Variants in EFR3B observed in about 807,000 individuals in gnomAD.
EFR3B encodes protein EFR3 homolog B.
A neutral mutation model predicts 104.7 loss-of-function variants in EFR3B; 64 were observed. That is an observed-to-expected ratio of 0.61 (90% confidence interval 0.50 to 0.75). EFR3B has a LOEUF of 0.75. Among genes scored for constraint, EFR3B ranks in the 30% least tolerant of loss-of-function variants. EFR3B has a pLI of 0.00. For synonymous variants in EFR3B, 385 were observed against 417.9 expected (o/e 0.92, Z 0.96); for missense variants, 750 against 1,078.5 (o/e 0.70, Z 4.27).
intron 2 of EFR3B, among the ~76,000 whole-genome samples, chr2:25,092,512 C>T (rs1250583022): frequency 6.6e-6 from 1 of 152,058 alleles, no homozygotes; most frequent in Non-Finnish European, 1.5e-5. Context: ...TACACATGCA[C>T]ACACATATAT....
intron 4 of EFR3B, among the ~76,000 whole-genome samples, chr2:25,112,828 C>G (rs936944476): frequency 1.3e-5 from 2 of 152,094 alleles, no homozygotes; most frequent in Non-Finnish European, 2.9e-5. Flanking sequence ...TTATGTATGC[C>G]CAGTATTTTT....
At chr2:25,049,880 C>T (rs1358905286) in intron 1 of EFR3B, among the ~76,000 whole-genome samples, 2 of 148,494 alleles carry the variant, frequency 1.3e-5, no homozygotes, top group East Asian at 2.0e-4. Flanking sequence ...TTTGGAAGGC[C>T]GAGGTGGGTG....
At chr2:25,104,038 T>C (rs1437030087) in intron 4 of EFR3B, among the ~76,000 whole-genome samples, 1 of 152,060 alleles carries the variant, frequency 6.6e-6, no homozygotes, top group Non-Finnish European at 1.5e-5. Flanking sequence ...TTCACCACTT[T>C]CAAGCATCCC....
At chr2:25,108,826 C>CCGGCCAA (rs1669637809) in intron 4 of EFR3B, among the ~76,000 whole-genome samples, 1 of 151,916 alleles carries the variant, frequency 6.6e-6, no homozygotes, top group Non-Finnish European at 1.5e-5. Flanking sequence ...TTATGAAACC[C>CCGGCCAA]CATCTCTACT....
Position 25,135,702 on chromosome 2 carries a change from A to G in EFR3B, c.1484+63A>G. On this transcript the variant is annotated intron_variant, in intron 13 of 22. Coordinates refer to ENST00000403714, the MANE Select transcript of EFR3B (RefSeq NM_014971.2). The stretch of plus-strand genomic sequence containing the variant: ...GGGAGAGGACTCTCCATTAGGTCCT[A>G]TCCTTTGGTCCTGTCCTCACACCCA... 4.6e-6 allele frequency: 7 copies of G among 1,528,050 alleles called. No homozygotes were observed. In the Middle Eastern group the frequency reaches 5.1e-4, roughly 111 times the overall value. The allele number at this position is 1,528,050 out of a possible 1,614,324, so 94.7% of individuals were successfully genotyped here.
intron 3 of EFR3B, 143 bp from the exon 4 acceptor site, chr2:25,103,494 A>G (rs1669478942): frequency 3.4e-6 from 4 of 1,163,636 alleles, no homozygotes; most frequent in South Asian, 3.3e-5. Flanking sequence ...TGGAAAGGCT[A>G]TCCAGACGTT....
At chr2:25,045,941 A>G (rs1056206821) in intron 1 of EFR3B, among the ~76,000 whole-genome samples, 13 of 152,064 alleles carry the variant, frequency 8.5e-5, no homozygotes, top group African/African-American at 3.1e-4. Context: ...GATTTCCCCA[A>G]CCACAGTCTG....
At chr2:25,060,265 T>C (rs1207549686) in intron 1 of EFR3B, among the ~76,000 whole-genome samples, 1 of 152,172 alleles carries the variant, frequency 6.6e-6, no homozygotes, top group Admixed American at 6.5e-5. Context: ...TTTAAAAAAG[T>C]TTTCATACAC....
rs984440846 is a variant in EFR3B at position 25,153,695 on chromosome 2, C to T, written c.2299-17C>T. On this transcript the variant is annotated splice_polypyrimidine_tract_variant and intron_variant, in intron 21 of 22. Coordinates refer to ENST00000403714, the MANE Select transcript of EFR3B (RefSeq NM_014971.2). ...CCCCCCACCCCTGCCAGCTCACTTC[C>T]GTGTGTTTGTGTCTAGGCATCGCTG... 32 of 1,551,624 alleles carry T rather than the reference C, an allele frequency of 2.1e-5. No individual in the cohort carries two copies. The highest frequency in any genetic ancestry group is 9.6e-5 in the African/African-American group (7 of 73,152).
Position 25,131,353 on chromosome 2 carries a change from A to T in EFR3B, c.850-15A>T. The T allele has an allele frequency of 4.5e-6, 7 of 1,549,176 alleles. No individual in the cohort carries two copies. The highest frequency in any genetic ancestry group is 6.1e-6 in the Non-Finnish European group (7 of 1,145,888). On this transcript the variant is annotated splice_polypyrimidine_tract_variant and intron_variant, in intron 8 of 22. Transcript: ENST00000403714. This position sits in a 1 kb window ranked among gnomAD's most constrained non-coding sequence, Gnocchi z 7.6. ...TGGGGTTGCTGTCCAGGCCCAGCTCATCTTCCTCCCGCAGCCGCAGCACTC... is the reference window on the plus strand; with the variant it reads ...TGGGGTTGCTGTCCAGGCCCAGCTCTTCTTCCTCCCGCAGCCGCAGCACTC...
chr2:25,109,943 C>G (rs914954987), intron 4 of EFR3B, among the ~76,000 whole-genome samples: 23 of 152,158 alleles, frequency 1.5e-4, no homozygotes, highest in Admixed American at 5.2e-4. Context: ...TGTGCCACAA[C>G]CTCAAACCAA....
intron 12 of EFR3B, among the ~76,000 whole-genome samples, chr2:25,134,209 C>T (rs942704036): frequency 6.9e-6 from 1 of 144,828 alleles, no homozygotes; most frequent in African/African-American, 2.5e-5. Context: ...GATGGAGTTT[C>T]GCTCTTGTTG....
intron 21 of EFR3B, 99 bp from the exon 22 acceptor site, chr2:25,153,613 C>T: frequency 8.2e-7 from 1 of 1,223,740 alleles, no homozygotes; most frequent in Non-Finnish European, 1.2e-6. Flanking sequence ...GCTGTGGCTG[C>T]CCTGTACCTC....
At position 25,133,805 on chromosome 2, in the gene EFR3B, G is replaced by A. The variant is rs143894940; in HGVS notation, c.1311+371G>A. Among the ~76,000 whole-genome samples, 574 of 152,216 alleles carry A rather than the reference G, an allele frequency of 3.8e-3. 1 individual carries two copies. Among genetic ancestry groups the A allele is most frequent in the Middle Eastern group, 6.8e-3 (2 of 294 alleles). ...TCTGTGTCCCCTGTTTTGCCAGCACGTGTTCTTGGCACATGTGCCCACCTC... is the reference window on the plus strand; with the variant it reads ...TCTGTGTCCCCTGTTTTGCCAGCACATGTTCTTGGCACATGTGCCCACCTC... On this transcript the variant is annotated intron_variant, in intron 12 of 22. Coordinates refer to ENST00000403714, the MANE Select transcript of EFR3B (RefSeq NM_014971.2).
chr2:25,054,541 C>T (rs551651495), intron 1 of EFR3B, among the ~76,000 whole-genome samples: 21 of 152,162 alleles, frequency 1.4e-4, no homozygotes, highest in Middle Eastern at 3.4e-3. Context: ...TGGCCTTGAA[C>T]GCCTGATCTC....
intron 1 of EFR3B, among the ~76,000 whole-genome samples, chr2:25,062,419 A>C (rs191573168): frequency 2.0e-5 from 3 of 152,346 alleles, no homozygotes; most frequent in Admixed American, 2.0e-4. Flanking sequence ...AAATGTGTGC[A>C]TCTTACTGCA....
At chr2:25,112,974 A>G (rs551229716) in intron 4 of EFR3B, among the ~76,000 whole-genome samples, 1 of 130,306 alleles carries the variant, frequency 7.7e-6, no homozygotes, top group Non-Finnish European at 1.9e-5. Context: ...TGCAAGGCCA[A>G]TCTTTGGAGC....
chr2:25,091,527 T>C, intron 2 of EFR3B, 126 bp downstream of exon 2: 1 of 816,974 alleles, frequency 1.2e-6, no homozygotes, highest in Non-Finnish European at 1.9e-6. Context: ...CCCTGGGCAC[T>C]GAGCCTTCCC....
intron 4 of EFR3B, among the ~76,000 whole-genome samples, chr2:25,106,732 A>G (rs1475511968): frequency 6.7e-6 from 1 of 149,434 alleles, no homozygotes; most frequent in Non-Finnish European, 1.5e-5. Context: ...CATGAGCTAC[A>G]GTGTCTGGCC....
Sources: allele counts gnomAD v4.1 joint callset (sites outside exome capture counted in the v4.1 genomes callset), GRCh38; gene constraint gnomAD v4.1.1; non-coding constraint Gnocchi (gnomAD v3.1); transcripts MANE v1.5; gene names NCBI Gene and HGNC (gene_info 2026-07-23, HGNC 2026-07-21).